The following CEP57L1 variants were observed in gnomAD, a reference collection of about 807,000 sequenced individuals.
CEP57L1 encodes the protein centrosomal protein CEP57L1.
Under a neutral mutation model 61.0 loss-of-function variants are expected in CEP57L1, and 37 were observed. The ratio of observed to expected loss-of-function variants is 0.61; its 90% confidence interval spans 0.47 to 0.80. The LOEUF is 0.80. Ranked by LOEUF, CEP57L1 falls within the 30% of genes least tolerant of loss-of-function variation. The pLI, the probability that CEP57L1 is intolerant of heterozygous loss-of-function variation, is 0.00. For missense variants in CEP57L1, 422 were observed against 524.7 expected (o/e 0.80, Z 1.91); for synonymous variants, 137 against 162.3 (o/e 0.84, Z 1.19).
At position 109,171,600 on chromosome 6, in the gene CEP57L1, T is replaced by C. The variant is rs543255642; in HGVS notation, c.*8630T>C. ...AAAATACTATCAGTTTAAACTACCA[T>C]CTACAGAAATAAAAAACATAAACCA... On this transcript the variant is annotated 3_prime_UTR_variant, in exon 11 of 11. Coordinates refer to ENST00000517392, the MANE Select transcript of CEP57L1 (RefSeq NM_001271852.3). 6.6e-6 allele frequency among the ~76,000 whole-genome samples: 1 copy of C among 152,168 alleles called. No individual in the cohort carries two copies. Among genetic ancestry groups the C allele is most frequent in the Non-Finnish European group, 1.5e-5 (1 of 68,004 alleles).
At chr6:109,102,701 TAAA>T (rs1472050821) in intron 1 of CEP57L1, among the ~76,000 whole-genome samples, 5 of 152,214 alleles carry the variant, frequency 3.3e-5, no homozygotes, top group Non-Finnish European at 5.9e-5. Context: ...ATGTTTTTAT[TAAA>T]AAGTTTCTGC....
intron 7 of CEP57L1, 44 bp from the exon 8 acceptor site, chr6:109,158,981 T>G: frequency 6.4e-7 from 1 of 1,565,872 alleles, no homozygotes; most frequent in Non-Finnish European, 8.7e-7. Context: ...TAAATAACTT[T>G]TAAAATAATT....
intron 9 of CEP57L1, among the ~76,000 whole-genome samples, chr6:109,160,098 T>A (rs1773586462): frequency 6.6e-6 from 1 of 152,228 alleles, no homozygotes; most frequent in Non-Finnish European, 1.5e-5. Flanking sequence ...ATTCCAGAAC[T>A]ATGTGATTTG....
chr6:109,095,522 T>A lies in CEP57L1; in HGVS notation c.-57T>A, dbSNP rs1238902651. ...GGGCCACCGCGACGTTGCCTGTGGG[T>A]GCCCGCGAACCAACGGTTAGCGGTG... On this transcript the variant is annotated 5_prime_UTR_variant, in exon 1 of 11. Coordinates refer to ENST00000517392, the MANE Select transcript of CEP57L1 (RefSeq NM_001271852.3). 1 of 985,742 alleles carries A rather than the reference T, an allele frequency of 1.0e-6. No individual in the cohort carries two copies. Among genetic ancestry groups the A allele is most frequent in the Admixed American group, 6.1e-5 (1 of 16,270 alleles). 61.1% of individuals were successfully genotyped at this position (985,742 alleles called of 1,614,324 possible).
Position 109,164,973 on chromosome 6 carries a change from G to A in CEP57L1, c.*2003G>A, listed in dbSNP as rs888024228. 6.6e-6 allele frequency among the ~76,000 whole-genome samples: 1 copy of A among 151,662 alleles called. No homozygotes were observed. Among genetic ancestry groups the A allele is most frequent in the Admixed American group, 6.6e-5 (1 of 15,236 alleles). ...CATGCCTGTAATCCCAGCTACTTGGGAGACTGAGGCAGGGGAATCGCTTGA... is the reference window on the plus strand; with the variant it reads ...CATGCCTGTAATCCCAGCTACTTGGAAGACTGAGGCAGGGGAATCGCTTGA... On this transcript the variant is annotated 3_prime_UTR_variant, in exon 11 of 11. Transcript: ENST00000517392.
At chr6:109,120,903 TAGAC>T (rs1414065421) in intron 1 of CEP57L1, among the ~76,000 whole-genome samples, 2 of 133,208 alleles carry the variant, frequency 1.5e-5, no homozygotes, top group African/African-American at 3.0e-5. Flanking sequence ...TTCCTATACT[TAGAC>T]ACACGCACAC....
chr6:109,117,891 G>A lies in CEP57L1; in HGVS notation c.-4+22316G>A, dbSNP rs78249125. Among the ~76,000 whole-genome samples the A allele has an allele frequency of 8.3e-3, 1,259 of 152,276 alleles. 24 individuals are homozygous for A. Among genetic ancestry groups the A allele is most frequent in the African/African-American group, 0.029 (1,211 of 41,548 alleles). On this transcript the variant is annotated intron_variant, in intron 1 of 10. Coordinates refer to ENST00000517392, the MANE Select transcript of CEP57L1 (RefSeq NM_001271852.3). ...TGCTCCTCTATTTTGGCTGCTGGTG[G>A]TAATTGGAAGGCCCTCAGCACTTTC...
intron 1 of CEP57L1, among the ~76,000 whole-genome samples, chr6:109,123,839 C>T (rs984432913): frequency 3.9e-5 from 6 of 152,064 alleles, no homozygotes; most frequent in African/African-American, 4.8e-5. Flanking sequence ...GAGGCCAAGG[C>T]GGGCAGATCA....
Position 109,159,421 on chromosome 6 carries a change from A to C in CEP57L1, c.975A>C (p.Glu325Asp). 6.2e-7 allele frequency: 1 copy of C among 1,613,860 alleles called. No homozygotes were observed. Among genetic ancestry groups the C allele is most frequent in the East Asian group, 2.2e-5 (1 of 44,864 alleles). ...KSISICDNLSELLMAMQDELD... is the reference protein window; with the variant it reads ...KSISICDNLSDLLMAMQDELD... ...TTTCCATTTGTGACAATTTATCTGA[A>C]CTTTTGATGGCAATGCAAGATGAGC... Residue 325 changes from glutamate to aspartate, a missense_variant, in exon 9 of 11, where the codon GAA becomes GAC. Coordinates refer to ENST00000517392, the MANE Select transcript of CEP57L1 (RefSeq NM_001271852.3).
At chr6:109,147,061 C>A in intron 3 of CEP57L1, 124 bp downstream of exon 3, 2 of 723,098 alleles carry the variant, frequency 2.8e-6, no homozygotes, top group Non-Finnish European at 4.2e-6. Context: ...AACTTCATGA[C>A]TTTGTTCTCA....
chr6:109,121,688 A>G (rs920166889), intron 1 of CEP57L1, among the ~76,000 whole-genome samples: 2 of 152,090 alleles, frequency 1.3e-5, no homozygotes, highest in African/African-American at 4.8e-5. Flanking sequence ...AGAGTGTGGA[A>G]GCATTTACAT....
rs1329798819 is a variant in CEP57L1, at chr6:109,167,570, G to A, written c.*4600G>A. 3.3e-5 allele frequency among the ~76,000 whole-genome samples: 5 copies of A among 152,124 alleles called. No individual in the cohort carries two copies. The highest frequency in any genetic ancestry group is 9.7e-5 in the African/African-American group (4 of 41,416). On this transcript the variant is annotated 3_prime_UTR_variant, in exon 11 of 11. Coordinates refer to ENST00000517392, the MANE Select transcript of CEP57L1 (RefSeq NM_001271852.3). ...GTGGTAGCATGCAGTCCAGCTACTC[G>A]GGAGGCTGAGGCAGGATAATTGCTT...
chr6:109,111,794 G>A (rs1448992809), intron 1 of CEP57L1, among the ~76,000 whole-genome samples: 1 of 152,092 alleles, frequency 6.6e-6, no homozygotes. Flanking sequence ...GGGTTTTTTT[G>A]TCATTGGTTC....
At chr6:109,157,688 T>A (rs1007368222) in intron 7 of CEP57L1, 2 of 152,154 alleles carry the variant, frequency 1.3e-5, no homozygotes, top group Non-Finnish European at 2.9e-5. Context: ...AAAATATAGC[T>A]TGGGGTGAGC....
intron 1 of CEP57L1, among the ~76,000 whole-genome samples, chr6:109,118,932 C>T (rs1238680100): frequency 6.6e-6 from 1 of 152,052 alleles, no homozygotes; most frequent in East Asian, 1.9e-4. Context: ...GCGTGCAGTT[C>T]AGTGGGGAAG....
Position 109,146,947 on chromosome 6 carries a change from G to A in CEP57L1, c.340+10G>A, listed in dbSNP as rs373203044. 6.3e-7 allele frequency: 1 copy of A among 1,594,538 alleles called. No homozygotes were observed. The highest frequency in any genetic ancestry group is 1.4e-5 in the African/African-American group (1 of 73,418). ...ATAAAGCAGAAAAAAGGTAAGAAAT[G>A]CAGTAGTTCTCAGAAACCGGGGGTT... On this transcript the variant is annotated intron_variant, in intron 3 of 10. Transcript: ENST00000517392.
rs996006294 is a variant in CEP57L1 at position 109,168,422 on chromosome 6, C to T, written c.*5452C>T. On this transcript the variant is annotated 3_prime_UTR_variant, in exon 11 of 11. Coordinates refer to ENST00000517392, the MANE Select transcript of CEP57L1 (RefSeq NM_001271852.3). ...TTATATTCTAGAGGCCAAGTATTGA[C>T]TTGCACAGAATTGTGTAAATGATTG... Among the ~76,000 whole-genome samples the T allele has an allele frequency of 2.0e-5, 3 of 152,168 alleles. No individual in the cohort carries two copies. Among genetic ancestry groups the T allele is most frequent in the Non-Finnish European group, 4.4e-5 (3 of 68,022 alleles).
intron 4 of CEP57L1, among the ~76,000 whole-genome samples, chr6:109,152,364 T>C (rs1213188663): frequency 6.6e-6 from 1 of 152,078 alleles, no homozygotes; most frequent in Non-Finnish European, 1.5e-5. Context: ...GTATTTTTAG[T>C]AGAGACAGGG....
In CEP57L1 at chr6:109,171,061, A is replaced by G. The variant is rs1369087514; in HGVS notation, c.*8091A>G. ...ATTACATTCTTGATTCTCTCAAGGT[A>G]TGATTTAAATGGTGGACACTTAAGC... On this transcript the variant is annotated 3_prime_UTR_variant, in exon 11 of 11. Transcript: ENST00000517392. 2.6e-5 allele frequency among the ~76,000 whole-genome samples: 4 copies of G among 152,124 alleles called. No homozygotes were observed. Among genetic ancestry groups the G allele is most frequent in the African/African-American group, 7.2e-5 (3 of 41,384 alleles).
Sources: allele counts gnomAD v4.1 joint callset (sites outside exome capture counted in the v4.1 genomes callset), GRCh38; gene constraint gnomAD v4.1.1; transcripts MANE v1.5; gene names NCBI Gene and HGNC (gene_info 2026-07-23, HGNC 2026-07-21).